Variants in EPB41L2 observed in about 807,000 individuals in gnomAD.
The protein encoded by EPB41L2 is erythrocyte membrane protein band 4.1 like 2.
A neutral mutation model predicts 113.0 loss-of-function variants in EPB41L2; 43 were observed. The observed-to-expected ratio is 0.38, with a 90% CI of 0.30 to 0.49. The LOEUF is 0.49. Ranked by LOEUF, EPB41L2 falls within the 20% of genes least tolerant of loss-of-function variation. The pLI is 0.95. For synonymous variants in EPB41L2, 442 were observed against 436.7 expected (o/e 1.01, Z -0.15); for missense variants, 1,147 against 1,223.4 (o/e 0.94, Z 0.93).
intron 3 of EPB41L2, among the ~76,000 whole-genome samples, chr6:130,927,369 C>A (rs1171235007): frequency 2.0e-5 from 3 of 152,020 alleles, no homozygotes; most frequent in African/African-American, 7.3e-5. Context: ...CTGCTGTGAA[C>A]AGAGATGTAA....
intron 7 of EPB41L2, among the ~76,000 whole-genome samples, chr6:130,900,063 T>C (rs1370389970): frequency 6.6e-6 from 1 of 152,244 alleles, no homozygotes; most frequent in African/African-American, 2.4e-5. Context: ...CCTATCTATA[T>C]ACCCAACTAA....
chr6:130,981,791 C>T (rs1328750604), intron 1 of EPB41L2, among the ~76,000 whole-genome samples: 2 of 151,826 alleles, frequency 1.3e-5, no homozygotes, highest in Admixed American at 1.3e-4. Context: ...AATAGCATGT[C>T]CATTTAAATT....
chr6:130,929,212 T>A (rs1805849478), intron 3 of EPB41L2, among the ~76,000 whole-genome samples: 2 of 152,130 alleles, frequency 1.3e-5, no homozygotes, highest in Non-Finnish European at 2.9e-5. Flanking sequence ...ACACCAGGAA[T>A]GGAATGAGTA....
At chr6:130,873,090 T>C (rs1335869324) in intron 14 of EPB41L2, among the ~76,000 whole-genome samples, 2 of 152,122 alleles carry the variant, frequency 1.3e-5, no homozygotes, top group African/African-American at 4.8e-5. Flanking sequence ...CAATACCACC[T>C]TAACTCTCTG....
At chr6:130,977,945 G>A (rs770300860) in intron 1 of EPB41L2, among the ~76,000 whole-genome samples, 1 of 152,132 alleles carries the variant, frequency 6.6e-6, no homozygotes, top group Non-Finnish European at 1.5e-5. Flanking sequence ...TAAAAGTGGT[G>A]GAAGGTATCA....
At chr6:130,942,954 C>A (rs1269204614) in intron 3 of EPB41L2, among the ~76,000 whole-genome samples, 5 of 152,312 alleles carry the variant, frequency 3.3e-5, no homozygotes, top group African/African-American at 1.2e-4. Context: ...GCATAGTATT[C>A]TACGGTGTAT....
intron 19 of EPB41L2, among the ~76,000 whole-genome samples, chr6:130,857,108 T>A (rs1468176182): frequency 6.6e-6 from 1 of 152,220 alleles, no homozygotes. Flanking sequence ...GGATATTTTT[T>A]AGATATATTT....
intron 5 of EPB41L2, among the ~76,000 whole-genome samples, chr6:130,908,365 C>A (rs149989269): frequency 4.1e-4 from 63 of 152,176 alleles, no homozygotes; most frequent in African/African-American, 1.4e-3. Context: ...AGATTGTTCC[C>A]CTTGCTTCTC....
At chr6:130,967,441 CTAACAA>C (rs1310146974) in intron 1 of EPB41L2, among the ~76,000 whole-genome samples, 2 of 152,100 alleles carry the variant, frequency 1.3e-5, no homozygotes, top group Non-Finnish European at 2.9e-5. Context: ...CTGGCTTTTG[CTAACAA>C]TAATACCGGT....
intron 11 of EPB41L2, among the ~76,000 whole-genome samples, chr6:130,887,375 G>A (rs1042517143): frequency 6.6e-6 from 1 of 152,030 alleles, no homozygotes; most frequent in African/African-American, 2.4e-5. Context: ...CTGCTTCCTT[G>A]CTCAATCTAA....
At chr6:131,045,125 G>A (rs989274443) in intron 1 of EPB41L2, among the ~76,000 whole-genome samples, 11 of 152,052 alleles carry the variant, frequency 7.2e-5, no homozygotes, top group Middle Eastern at 3.4e-3. Context: ...TTATTTCTAC[G>A]GCTAGTTCTT....
chr6:130,994,970 A>ACCC (rs140672396), intron 1 of EPB41L2, among the ~76,000 whole-genome samples: 10,240 of 151,908 alleles, frequency 0.067, 1,131 homozygotes, highest in African/African-American at 0.23. Flanking sequence ...AAGTTGTCCC[A>ACCC]CCCCACCTTT....
chr6:130,983,072 C>G (rs937529374), intron 1 of EPB41L2, among the ~76,000 whole-genome samples: 1 of 152,164 alleles, frequency 6.6e-6, no homozygotes, highest in African/African-American at 2.4e-5. Context: ...GCCTCACATT[C>G]CGGTGTCTCA....
chr6:130,976,987 G>T (rs1778332162), intron 1 of EPB41L2, among the ~76,000 whole-genome samples: 1 of 152,138 alleles, frequency 6.6e-6, no homozygotes, highest in African/African-American at 2.4e-5. Context: ...TGTAAGAGAG[G>T]TACAAGAAGG....
intron 1 of EPB41L2, among the ~76,000 whole-genome samples, chr6:131,002,318 T>G (rs1364731319): frequency 1.3e-5 from 2 of 152,134 alleles, no homozygotes; most frequent in Non-Finnish European, 2.9e-5. Context: ...GGCCCTCTGC[T>G]AGCACTATGG....
chr6:130,875,712 T>C (rs1787311561), intron 14 of EPB41L2, among the ~76,000 whole-genome samples: 1 of 152,126 alleles, frequency 6.6e-6, no homozygotes, highest in African/African-American at 2.4e-5. Context: ...AATTTTCTAA[T>C]CACCAGCCGG....
At position 130,869,888 on chromosome 6, in the gene EPB41L2, C is replaced by T. The variant is rs539745210; in HGVS notation, c.2282G>A (p.Arg761Gln). The change falls in exon 15 of 20, where the codon CGA (arginine) becomes CAA (glutamine). Residue 761 changes from arginine to glutamine, a missense_variant. By Grantham distance (43) the Arg-to-Gln change is conservative (BLOSUM62 1). Transcript: ENST00000337057. ...EDVGEYRPHH[R>Q]VTEGTIREEQ... is the part of the protein sequence containing the mutation. ...CTCCCTGATGGTGCCCTCGGTCACT[C>T]GGTGGTGGGGACGGTACTCTCCCAC... 15 of 1,612,810 alleles carry T rather than the reference C, an allele frequency of 9.3e-6. No homozygotes were observed. Among genetic ancestry groups the T allele is most frequent in the Middle Eastern group, 1.6e-4 (1 of 6,062 alleles).
chr6:130,956,499 G>A lies in EPB41L2; in HGVS notation c.-14C>T, dbSNP rs774163745. 2 of 1,575,148 alleles carry A rather than the reference G, an allele frequency of 1.3e-6. No homozygotes were observed. Among genetic ancestry groups the A allele is most frequent in the Admixed American group, 1.9e-5 (1 of 51,424 alleles). On this transcript the variant is annotated splice_region_variant and 5_prime_UTR_variant, in exon 2 of 20. Transcript: ENST00000337057. ...TTCAGTAGTCATGGCCACAGCTTATGCTGTAATCAAAACAAAAATCATAAA... is the reference window on the plus strand; with the variant it reads ...TTCAGTAGTCATGGCCACAGCTTATACTGTAATCAAAACAAAAATCATAAA...
chr6:131,018,983 T>C (rs919546933), intron 1 of EPB41L2, among the ~76,000 whole-genome samples: 9 of 152,214 alleles, frequency 5.9e-5, no homozygotes, highest in African/African-American at 1.2e-4. Flanking sequence ...TCTTCAAAAT[T>C]ATTTTGACTA....
Sources: allele counts gnomAD v4.1 joint callset (sites outside exome capture counted in the v4.1 genomes callset), GRCh38; gene constraint gnomAD v4.1.1; transcripts MANE v1.5; gene names NCBI Gene and HGNC (gene_info 2026-07-23, HGNC 2026-07-21).